Variants in TANC2 observed in about 807,000 individuals in gnomAD.
TANC2 encodes protein TANC2.
Under a neutral mutation model 210.5 loss-of-function variants are expected in TANC2, and 26 were observed. The ratio of observed to expected loss-of-function variants is 0.12; its 90% CI spans 0.09 to 0.17. The LOEUF (loss-of-function observed/expected upper bound fraction) is 0.17, where lower values mean the gene tolerates loss of function less well. Among genes scored for constraint, TANC2 ranks in the 10% least tolerant of loss-of-function variants. The probability of loss-of-function intolerance (pLI) is 1.00; values close to 1 mark genes in which losing one functional copy is unlikely to be tolerated. For synonymous variants in TANC2, 931 were observed against 967.1 expected, an observed-to-expected ratio of 0.96 and a Z score of 0.69; for missense variants, 2,129 against 2,608.9, an observed-to-expected ratio of 0.82 and a Z score of 4.01.
At chr17:63,261,348 C>T (rs996290910) in intron 8 of TANC2, among the ~76,000 whole-genome samples, 8 of 152,134 alleles carry the variant, frequency 5.3e-5, no homozygotes, top group African/African-American at 1.9e-4. Context: ...TAGTTACCAC[C>T]TGTGGACCTG....
chr17:63,155,923 G>T (rs1469612356), intron 5 of TANC2, among the ~76,000 whole-genome samples: 2 of 152,130 alleles, frequency 1.3e-5, no homozygotes, highest in Non-Finnish European at 2.9e-5. Flanking sequence ...TATTTAAAGT[G>T]AGTAGTTCCT....
chr17:63,012,550 T>TA (rs2033918871), intron 2 of TANC2, among the ~76,000 whole-genome samples: 1 of 108,580 alleles, frequency 9.2e-6, no homozygotes, highest in African/African-American at 5.0e-5. Flanking sequence ...CACTGTTACT[T>TA]AGATATGCCC....
At chr17:62,994,225 G>A (rs915783803) in intron 1 of TANC2, among the ~76,000 whole-genome samples, 11 of 151,688 alleles carry the variant, frequency 7.3e-5, no homozygotes, top group African/African-American at 2.4e-4. Context: ...CCAGGCTGGA[G>A]TGCAGTGGCG....
At chr17:63,408,321 A>C (rs902717241) in intron 21 of TANC2, among the ~76,000 whole-genome samples, 1 of 152,252 alleles carries the variant, frequency 6.6e-6, no homozygotes, top group Non-Finnish European at 1.5e-5. Context: ...TTGTGATTTC[A>C]TTAACTGCAT....
At chr17:63,379,343 C>A (rs377295162) in intron 14 of TANC2, among the ~76,000 whole-genome samples, 1 of 152,138 alleles carries the variant, frequency 6.6e-6, no homozygotes, top group East Asian at 1.9e-4. Flanking sequence ...ATGACTGGAC[C>A]TGAAGAGTCC....
At chr17:63,374,375 A>G (rs1029169586) in intron 14 of TANC2, among the ~76,000 whole-genome samples, 4 of 152,066 alleles carry the variant, frequency 2.6e-5, no homozygotes, top group Non-Finnish European at 2.9e-5. Context: ...ATAAGATGTT[A>G]TTATTTACTC....
intron 4 of TANC2, 49 bp downstream of exon 4, chr17:63,099,406 A>G (rs1309492249): frequency 2.2e-6 from 3 of 1,355,934 alleles, no homozygotes; most frequent in African/African-American, 2.9e-5. Flanking sequence ...ACCTAACGAT[A>G]TGACACTTTA....
chr17:63,133,815 A>G (rs1294652486), intron 4 of TANC2, among the ~76,000 whole-genome samples: 3 of 152,204 alleles, frequency 2.0e-5, no homozygotes, highest in Non-Finnish European at 4.4e-5. Context: ...AAAACAGTTT[A>G]TAATCTAGTA....
At chr17:63,423,518 TG>T (rs1343851467) in exon 28 of TANC2, 2 of 152,246 alleles carry the variant, frequency 1.3e-5, no homozygotes, top group African/African-American at 4.8e-5. Flanking sequence ...CGTTCTCTGT[TG>T]TTAGGAATCA....
chr17:63,399,047 G>GT (rs1490039610), intron 19 of TANC2, 133 bp downstream of exon 19: 1 of 559,320 alleles, frequency 1.8e-6, no homozygotes, highest in African/African-American at 1.9e-5. Context: ...GACTGATTCA[G>GT]CCAAACTAAA....
At chr17:63,147,447 TC>T (rs1338194895) in intron 4 of TANC2, among the ~76,000 whole-genome samples, 1 of 152,250 alleles carries the variant, frequency 6.6e-6, no homozygotes, top group Non-Finnish European at 1.5e-5. Context: ...ACAGCTTTTT[TC>T]TTAAGAAAAT....
At chr17:62,967,391 C>A (rs1022854009) in intron 1 of TANC2, 1 of 152,094 alleles carries the variant, frequency 6.6e-6, no homozygotes, top group African/African-American at 2.4e-5. Context: ...AAAATAATTC[C>A]AGGTTTTGCC....
At chr17:63,048,189 G>C (rs2035450915) in intron 2 of TANC2, among the ~76,000 whole-genome samples, 1 of 152,088 alleles carries the variant, frequency 6.6e-6, no homozygotes, top group South Asian at 2.1e-4. Context: ...GAGGATGAGA[G>C]TGATCTTTCT....
intron 8 of TANC2, among the ~76,000 whole-genome samples, chr17:63,243,285 G>A (rs533806804): frequency 1.3e-5 from 2 of 152,256 alleles, no homozygotes; most frequent in South Asian, 4.2e-4. Context: ...TTGTAAAGTT[G>A]TTTGACAAGA....
intron 4 of TANC2, among the ~76,000 whole-genome samples, chr17:63,108,769 G>T (rs576130788): frequency 6.6e-6 from 1 of 151,332 alleles, no homozygotes; most frequent in East Asian, 1.9e-4. Context: ...AGATCATGCG[G>T]CTGCACTCCA....
exon 7 of TANC2, chr17:63,200,866 C>A: frequency 1.9e-6 from 3 of 1,613,880 alleles, no homozygotes; most frequent in Non-Finnish European, 1.7e-6. Flanking sequence ...CACTCCCACC[C>A]ATCAGTACAA....
Position 63,001,154 on chromosome 17 carries a change from C to G in TANC2, c.-23-8383C>G, listed in dbSNP as rs561469076. ...AATGATAATCTGCACTCATTTTTTT[C>G]CTTTCAAAACTTTGAACAACTATGT... On this transcript the variant is annotated intron_variant, in intron 1 of 27. Coordinates refer to ENST00000689528, the Ensembl canonical transcript of TANC2. 8.7e-4 allele frequency among the ~76,000 whole-genome samples: 132 copies of G among 152,014 alleles called. 1 individual carries two copies. The highest frequency in any genetic ancestry group is 3.1e-3 in the African/African-American group (129 of 41,502).
chr17:63,196,138 TATTAC>T (rs1249534760), intron 6 of TANC2, among the ~76,000 whole-genome samples: 1 of 152,228 alleles, frequency 6.6e-6, no homozygotes, highest in Non-Finnish European at 1.5e-5. Flanking sequence ...CATTAACTGA[TATTAC>T]ATTACATGTT....
intron 7 of TANC2, among the ~76,000 whole-genome samples, chr17:63,205,118 A>G (rs1293413004): frequency 6.6e-6 from 1 of 152,104 alleles, no homozygotes; most frequent in Non-Finnish European, 1.5e-5. Flanking sequence ...TAAAGAGACC[A>G]GAAATAAACT....
Sources: gnomAD v4.1 joint callset for allele counts (sites outside exome capture counted in the v4.1 genomes callset) on GRCh38, gnomAD v4.1.1 for gene constraint, MANE v1.5 for transcripts, NCBI Gene and HGNC (gene_info 2026-07-23, HGNC 2026-07-21) for gene names.